Variants in FAM222A observed in about 807,000 individuals in gnomAD.
The protein encoded by FAM222A is protein FAM222A.
A neutral mutation model predicts 25.8 loss-of-function variants in FAM222A; 7 were observed. The ratio of observed to expected loss-of-function variants is 0.27; its 90% confidence interval spans 0.15 to 0.51. The LOEUF is 0.51. Ranked by LOEUF, FAM222A falls within the 20% of genes least tolerant of loss-of-function variation. FAM222A has a pLI of 0.97. For missense variants in FAM222A, 573 were observed against 640.5 expected, an observed-to-expected ratio of 0.89 and a Z score of 1.14; for synonymous variants, 294 against 298.8, an observed-to-expected ratio of 0.98 and a Z score of 0.17.
chr12:109,717,719 G>A (rs1044343382), intron 1 of FAM222A, among the ~76,000 whole-genome samples: 4 of 152,176 alleles, frequency 2.6e-5, no homozygotes, highest in Admixed American at 6.5e-5. Flanking sequence ...ATCTCTTCCC[G>A]TAAGCGTGGA....
At chr12:109,766,847 A>G (rs1211810966) in intron 2 of FAM222A, among the ~76,000 whole-genome samples, 1 of 152,076 alleles carries the variant, frequency 6.6e-6, no homozygotes, top group African/African-American at 2.4e-5. Context: ...ATTCCTGGGT[A>G]TATTTCCAAC....
intron 1 of FAM222A, among the ~76,000 whole-genome samples, chr12:109,727,653 C>T (rs1887868143): frequency 6.6e-6 from 1 of 152,148 alleles, no homozygotes; most frequent in Non-Finnish European, 1.5e-5. Context: ...GCCACGCTGG[C>T]ACGTGGTCAT....
At chr12:109,759,871 A>G (rs983911972) in intron 2 of FAM222A, among the ~76,000 whole-genome samples, 7 of 152,180 alleles carry the variant, frequency 4.6e-5, no homozygotes, top group Admixed American at 1.3e-4. Context: ...AATTATTTAG[A>G]TGTCAGGGTG....
Position 109,769,536 on chromosome 12 carries a change from C to T in FAM222A, c.*248C>T, listed in dbSNP as rs144369209. Reference sequence around the variant, plus strand: ...GTGAGGGCCTGGGGGCAGCCACTGACGCCCATGCCTTCCTTTATCTAAGCT... The same window carrying T: ...GTGAGGGCCTGGGGGCAGCCACTGATGCCCATGCCTTCCTTTATCTAAGCT... On this transcript the variant is annotated 3_prime_UTR_variant, in exon 3 of 3. Coordinates refer to ENST00000538780, the MANE Select transcript of FAM222A (RefSeq NM_032829.3). 4,646 of 542,026 alleles carry T rather than the reference C, an allele frequency of 8.6e-3. 20 individuals carry two copies. The highest frequency in any genetic ancestry group is 0.011 in the Non-Finnish European group (3,251 of 307,366). 33.6% of individuals were successfully genotyped at this position (542,026 alleles called of 1,614,324 possible). A position where few individuals can be genotyped will look rare whatever the true frequency, so the allele number is the denominator to read the frequency against.
At chr12:109,766,235 C>A (rs1889046561) in intron 2 of FAM222A, among the ~76,000 whole-genome samples, 1 of 152,224 alleles carries the variant, frequency 6.6e-6, no homozygotes. Context: ...CCACCACCAC[C>A]ACTCTCCATA....
At chr12:109,725,096 G>C (rs763822367) in intron 1 of FAM222A, among the ~76,000 whole-genome samples, 73 of 152,208 alleles carry the variant, frequency 4.8e-4, no homozygotes, top group Non-Finnish European at 7.4e-4. Context: ...CTGGAACCCT[G>C]GGCTGAGCAA....
intron 2 of FAM222A, among the ~76,000 whole-genome samples, chr12:109,751,096 C>T (rs1888547509): frequency 6.6e-6 from 1 of 152,028 alleles, no homozygotes; most frequent in Admixed American, 6.6e-5. Context: ...ACCTGTCTTC[C>T]CTATGTACCT....
intron 1 of FAM222A, among the ~76,000 whole-genome samples, chr12:109,718,691 G>A (rs1324623496): frequency 6.6e-6 from 1 of 152,204 alleles, no homozygotes; most frequent in Admixed American, 6.5e-5. Context: ...GGTGCCGGCC[G>A]GTCACCTCCG....
chr12:109,733,236 A>G (rs1382373858), intron 1 of FAM222A, among the ~76,000 whole-genome samples: 1 of 152,230 alleles, frequency 6.6e-6, no homozygotes, highest in Non-Finnish European at 1.5e-5. Flanking sequence ...GGTTTCAAAG[A>G]CTTAGAATAA....
At chr12:109,744,361 C>T in intron 2 of FAM222A, 133 bp downstream of exon 2, 2 of 1,425,256 alleles carry the variant, frequency 1.4e-6, no homozygotes, top group Non-Finnish European at 1.8e-6. Context: ...GGCCTTGGCC[C>T]CGGCTGTGCT....
intron 2 of FAM222A, among the ~76,000 whole-genome samples, chr12:109,749,250 G>A (rs7967364): frequency 0.16 from 24,203 of 152,008 alleles, 2,116 homozygotes; most frequent in East Asian, 0.32. Flanking sequence ...GGGATTACAG[G>A]CATGCACCAC....
At chr12:109,715,248 A>G (rs1260142837) in intron 1 of FAM222A, among the ~76,000 whole-genome samples, 1 of 152,176 alleles carries the variant, frequency 6.6e-6, no homozygotes, top group African/African-American at 2.4e-5. Flanking sequence ...CCAGGATGGG[A>G]AAACGTTGAG....
chr12:109,730,646 C>T (rs1385740847), intron 1 of FAM222A, among the ~76,000 whole-genome samples: 2 of 152,158 alleles, frequency 1.3e-5, no homozygotes, highest in Non-Finnish European at 2.9e-5. Flanking sequence ...GTTGCGTGGG[C>T]GTGTGTCTGG....
Position 109,743,912 on chromosome 12 carries a change from A to G in FAM222A, c.-46-189A>G, listed in dbSNP as rs899702259. The G allele has an allele frequency of 1.3e-5, 13 of 985,246 alleles. No individual in the cohort carries two copies. In the African/African-American group the frequency reaches 1.9e-4, roughly 15 times the overall value. 61.0% of individuals were successfully genotyped at this position (985,246 alleles called of 1,614,324 possible). ...AGAGCCCTGGATTCTGTCCCTTCCC[A>G]TGAGGCCACAGATGGGCCTCTTGAT... On this transcript the variant is annotated intron_variant, in intron 1 of 2. Transcript: ENST00000538780.
At chr12:109,728,528 A>AT (rs142306922) in intron 1 of FAM222A, among the ~76,000 whole-genome samples, 3,229 of 152,288 alleles carry the variant, frequency 0.021, 123 homozygotes, top group African/African-American at 0.074. Flanking sequence ...CTCCTGCAGC[A>AT]TATTCCAGCC....
chr12:109,715,360 G>A (rs1887622858), intron 1 of FAM222A, among the ~76,000 whole-genome samples: 2 of 152,208 alleles, frequency 1.3e-5, no homozygotes, highest in African/African-American at 4.8e-5. Context: ...TGTGCCCCAT[G>A]GGGCTAGACC....
rs574980573 is a variant in FAM222A, at chr12:109,724,369, G to A, written c.-47+9472G>A. Among the ~76,000 whole-genome samples, 3 of 152,372 alleles carry A rather than the reference G, an allele frequency of 2.0e-5. No individual in the cohort carries two copies. In the East Asian group the frequency reaches 5.8e-4, roughly 29 times the overall value. ...CGTGTCACGGGGCCCCAAGGACGAGGCGCCTTCTGTCCCCTTCCTACCCAA... is the reference window on the plus strand; with the variant it reads ...CGTGTCACGGGGCCCCAAGGACGAGACGCCTTCTGTCCCCTTCCTACCCAA... On this transcript the variant is annotated intron_variant, in intron 1 of 2. Coordinates refer to ENST00000538780, the MANE Select transcript of FAM222A (RefSeq NM_032829.3).
intron 1 of FAM222A, among the ~76,000 whole-genome samples, chr12:109,718,840 C>T (rs1015189177): frequency 6.6e-6 from 1 of 152,226 alleles, no homozygotes; most frequent in Non-Finnish European, 1.5e-5. Context: ...TTAGTCTGCA[C>T]GGGCTGGGTG....
chr12:109,753,972 C>G lies in FAM222A; in HGVS notation c.82+9744C>G, dbSNP rs184362158. Among the ~76,000 whole-genome samples, 343 of 152,298 alleles carry G rather than the reference C, an allele frequency of 2.3e-3. 3 individuals are homozygous for G. The highest frequency in any genetic ancestry group is 2.4e-3 in the Non-Finnish European group (164 of 68,034). Reference sequence around the variant, plus strand: ...ACCCCTGCCGCAGGTACCAAGCCTGCAAGAGGACAGAGGCTCAGAGATGAA... The same window carrying G: ...ACCCCTGCCGCAGGTACCAAGCCTGGAAGAGGACAGAGGCTCAGAGATGAA... On this transcript the variant is annotated intron_variant, in intron 2 of 2. Transcript: ENST00000538780.
Sources: allele counts gnomAD v4.1 joint callset (sites outside exome capture counted in the v4.1 genomes callset), GRCh38; gene constraint gnomAD v4.1.1; transcripts MANE v1.5; gene names NCBI Gene and HGNC (gene_info 2026-07-23, HGNC 2026-07-21).